RIT2: variants seen among roughly 807,000 people sequenced by gnomAD.
RIT2 encodes the protein GTP-binding protein Rit2.
A neutral mutation model predicts 23.7 loss-of-function variants in RIT2; 24 were observed. That is an observed-to-expected ratio of 1.01 (90% CI 0.73 to 1.43). The LOEUF is 1.43. Ranked by LOEUF, RIT2 falls within the 40% of genes most tolerant of loss-of-function variation. RIT2 has a pLI of 0.00. For missense variants in RIT2, 236 were observed against 266.9 expected, an observed-to-expected ratio of 0.88 and a Z score of 0.81; for synonymous variants, 107 against 91.1, an observed-to-expected ratio of 1.17 and a Z score of -0.99.
Position 43,053,943 on chromosome 18 carries a change from A to G in RIT2, c.104-20076T>C, listed in dbSNP as rs565668391. Among the ~76,000 whole-genome samples the G allele has an allele frequency of 3.0e-4, 45 of 152,208 alleles. 1 individual carries two copies. Among genetic ancestry groups the G allele is most frequent in the Admixed American group, 2.5e-3 (38 of 15,264 alleles). On this transcript the variant is annotated intron_variant, in intron 1 of 4. Coordinates refer to ENST00000326695, the MANE Select transcript of RIT2 (RefSeq NM_002930.4). ...TCATACTTGCCTACAATAGAGTCATACAAATGTATTTTGGACCCTATCACA... is the reference window on the plus strand; with the variant it reads ...TCATACTTGCCTACAATAGAGTCATGCAAATGTATTTTGGACCCTATCACA...
chr18:42,971,414 T>C (rs934309078), intron 3 of RIT2, among the ~76,000 whole-genome samples: 1 of 152,180 alleles, frequency 6.6e-6, no homozygotes, highest in African/African-American at 2.4e-5. Flanking sequence ...TTTTTAATTG[T>C]ATGTTTGCCA....
At chr18:42,859,378 C>A (rs754475947) in intron 4 of RIT2, among the ~76,000 whole-genome samples, 1 of 152,096 alleles carries the variant, frequency 6.6e-6, no homozygotes, top group Non-Finnish European at 1.5e-5. Context: ...TTCAAATTCT[C>A]GGCTGATTTT....
intron 4 of RIT2, among the ~76,000 whole-genome samples, chr18:42,884,408 A>G (rs1026666391): frequency 6.6e-6 from 1 of 152,234 alleles, no homozygotes; most frequent in Non-Finnish European, 1.5e-5. Context: ...ATCTCCACAC[A>G]TAACCCTAAA....
chr18:42,776,324 A>C (rs1363428235), intron 4 of RIT2, among the ~76,000 whole-genome samples: 2 of 152,202 alleles, frequency 1.3e-5, no homozygotes, highest in Non-Finnish European at 2.9e-5. Flanking sequence ...CACCTGTTAA[A>C]CCTGTAGTTA....
chr18:42,981,813 C>T (rs1050558487), intron 2 of RIT2, among the ~76,000 whole-genome samples: 1 of 151,948 alleles, frequency 6.6e-6, no homozygotes, highest in Non-Finnish European at 1.5e-5. Context: ...AACATAAACA[C>T]TCAGGTACAT....
chr18:42,830,495 C>T (rs1335451056), intron 4 of RIT2, among the ~76,000 whole-genome samples: 1 of 152,142 alleles, frequency 6.6e-6, no homozygotes, highest in Non-Finnish European at 1.5e-5. Flanking sequence ...GGAGAAAAAG[C>T]TTTGAGGAAT....
intron 4 of RIT2, among the ~76,000 whole-genome samples, chr18:42,744,418 T>G (rs1367269953): frequency 3.3e-5 from 5 of 152,222 alleles, no homozygotes; most frequent in African/African-American, 1.2e-4. Context: ...CTTGAAAGTA[T>G]GACTGATTAA....
chr18:42,898,524 T>A (rs1908391844), intron 4 of RIT2, among the ~76,000 whole-genome samples: 1 of 152,240 alleles, frequency 6.6e-6, no homozygotes, highest in Non-Finnish European at 1.5e-5. Context: ...ACATTATTAC[T>A]GTAACAATAT....
chr18:42,790,256 A>C (rs1221016687), intron 4 of RIT2, among the ~76,000 whole-genome samples: 1 of 152,182 alleles, frequency 6.6e-6, no homozygotes, highest in Non-Finnish European at 1.5e-5. Flanking sequence ...ACAATCTGAG[A>C]TATAGCTAAT....
chr18:42,978,653 A>T (rs1910527535), intron 2 of RIT2, among the ~76,000 whole-genome samples: 1 of 152,128 alleles, frequency 6.6e-6, no homozygotes, highest in African/African-American at 2.4e-5. Flanking sequence ...TGCGCAGAAA[A>T]GCACACTAGG....
At chr18:43,034,007 A>C (rs977736581) in intron 1 of RIT2, 140 bp from the exon 2 acceptor site, 2 of 584,224 alleles carry the variant, frequency 3.4e-6, no homozygotes, top group Non-Finnish European at 6.0e-6. Flanking sequence ...ATTTCACACA[A>C]AATGAAAACA....
intron 4 of RIT2, among the ~76,000 whole-genome samples, chr18:42,778,834 G>A (rs538611737): frequency 1.3e-5 from 2 of 152,048 alleles, no homozygotes; most frequent in Non-Finnish European, 2.9e-5. Context: ...ATCCCATAAT[G>A]GGCAAAGACG....
chr18:42,866,035 G>A (rs145950643), intron 4 of RIT2, among the ~76,000 whole-genome samples: 77 of 152,160 alleles, frequency 5.1e-4, no homozygotes, highest in Admixed American at 2.3e-3. Flanking sequence ...GGTAAAACCA[G>A]CACCATCACT....
At chr18:42,748,407 G>T (rs574067097) in intron 4 of RIT2, among the ~76,000 whole-genome samples, 7 of 151,884 alleles carry the variant, frequency 4.6e-5, no homozygotes, top group African/African-American at 1.7e-4. Flanking sequence ...ACTCCTGCAC[G>T]AATGGTCATT....
rs568889706 is a variant in RIT2 at position 42,955,122 on chromosome 18, T to A, written c.234+18952A>T. 4.6e-5 allele frequency among the ~76,000 whole-genome samples: 7 copies of A among 152,174 alleles called. No individual in the cohort carries two copies. In the South Asian group the frequency reaches 1.4e-3, roughly 32 times the overall value. Reference sequence around the variant, plus strand: ...AGTCAGATAAGCAGTAATTAAATTATCAGAAAAAAATAGTTGACCATGATA... The same window carrying A: ...AGTCAGATAAGCAGTAATTAAATTAACAGAAAAAAATAGTTGACCATGATA... On this transcript the variant is annotated intron_variant, in intron 3 of 4. Coordinates refer to ENST00000326695, the MANE Select transcript of RIT2 (RefSeq NM_002930.4).
rs1422365903 is a variant in RIT2, at chr18:42,929,989, C to T, written c.235-6226G>A. Among the ~76,000 whole-genome samples the T allele has an allele frequency of 4.6e-5, 7 of 152,010 alleles. No homozygotes were observed. In the South Asian group the frequency reaches 1.2e-3, roughly 27 times the overall value. ...GGAGTTGAGAGGTGTGGAGTTGTGG[C>T]AAGACGGAGAGTATAGGGTGACAGA... On this transcript the variant is annotated intron_variant, in intron 3 of 4. Transcript: ENST00000326695.
chr18:42,870,776 A>C (rs866146389), intron 4 of RIT2, among the ~76,000 whole-genome samples: 2 of 152,212 alleles, frequency 1.3e-5, no homozygotes, highest in African/African-American at 4.8e-5. Context: ...GATAAGAAAA[A>C]AAAAATTTCT....
intron 4 of RIT2, among the ~76,000 whole-genome samples, chr18:42,767,246 A>C (rs1483857126): frequency 6.6e-6 from 1 of 152,192 alleles, no homozygotes; most frequent in Non-Finnish European, 1.5e-5. Flanking sequence ...GCTGGGTGGG[A>C]GGCTGTAACC....
chr18:42,892,813 G>C (rs1162121112), intron 4 of RIT2, among the ~76,000 whole-genome samples: 1 of 152,130 alleles, frequency 6.6e-6, no homozygotes, highest in Non-Finnish European at 1.5e-5. Flanking sequence ...CTAGGATTGA[G>C]TCTATATACT....
Sources: allele counts gnomAD v4.1 joint callset (sites outside exome capture counted in the v4.1 genomes callset), GRCh38; gene constraint gnomAD v4.1.1; transcripts MANE v1.5; gene names NCBI Gene and HGNC (gene_info 2026-07-23, HGNC 2026-07-21).